Variants in CDKN2B-AS1 observed in about 807,000 individuals in gnomAD.
The protein encoded by CDKN2B-AS1 is CDKN2B and CDKN2A antisense cis and trans regulatory RNA 1.
At chr9:22,101,877 T>C (rs534874697) in intron 4 of CDKN2B-AS1, among the ~76,000 whole-genome samples, 17 of 152,314 alleles carry the variant, frequency 1.1e-4, no homozygotes, top group Admixed American at 1.1e-3. Flanking sequence ...GCTAGCAGAC[T>C]GGGTTTTGAA....
At chr9:22,068,638 G>A (rs1313427883) in intron 4 of CDKN2B-AS1, among the ~76,000 whole-genome samples, 4 of 152,148 alleles carry the variant, frequency 2.6e-5, no homozygotes, top group African/African-American at 9.7e-5. Context: ...GTCTTTAAGT[G>A]GCTTTGCAAT....
chr9:22,083,034 A>G (rs1824751281), intron 4 of CDKN2B-AS1, among the ~76,000 whole-genome samples: 1 of 152,238 alleles, frequency 6.6e-6, no homozygotes. Context: ...CATGAATTAC[A>G]TGATTAGATT....
chr9:22,095,283 T>C (rs1825234789), intron 4 of CDKN2B-AS1, among the ~76,000 whole-genome samples: 1 of 144,884 alleles, frequency 6.9e-6, no homozygotes, highest in South Asian at 2.1e-4. Context: ...GGAGGCAGTC[T>C]GTCCATTCTC....
chr9:22,040,868 GA>G (rs1252420518), intron 1 of CDKN2B-AS1, among the ~76,000 whole-genome samples: 1 of 152,000 alleles, frequency 6.6e-6, no homozygotes, highest in Non-Finnish European at 1.5e-5. Flanking sequence ...TATAAATGTG[GA>G]AACTGAAATA....
intron 1 of CDKN2B-AS1, chr9:22,003,204 G>T (rs1820997992): frequency 4.6e-6 from 1 of 216,250 alleles, no homozygotes. Flanking sequence ...TTTTTACATG[G>T]CATTGATAAG....
chr9:22,027,175 A>C (rs1822272354), intron 1 of CDKN2B-AS1, among the ~76,000 whole-genome samples: 1 of 105,122 alleles, frequency 9.5e-6, no homozygotes, highest in Admixed American at 9.6e-5. Flanking sequence ...AAACCTTTCT[A>C]GCAAAAAAAA....
chr9:22,083,879 G>T (rs1198974542), intron 4 of CDKN2B-AS1, among the ~76,000 whole-genome samples: 1 of 152,160 alleles, frequency 6.6e-6, no homozygotes, highest in African/African-American at 2.4e-5. Flanking sequence ...GAGGACACTG[G>T]TGTTTGGGTG....
At chr9:22,017,444 C>T (rs1304753006) in intron 1 of CDKN2B-AS1, among the ~76,000 whole-genome samples, 1 of 152,206 alleles carries the variant, frequency 6.6e-6, no homozygotes, top group Non-Finnish European at 1.5e-5. Context: ...TCTATATGTG[C>T]TAGGCAAGTT....
intron 3 of CDKN2B-AS1, among the ~76,000 whole-genome samples, chr9:22,055,585 A>C (rs1823526562): frequency 6.6e-6 from 1 of 152,158 alleles, no homozygotes; most frequent in Admixed American, 6.5e-5. Flanking sequence ...CTTTTTAAAA[A>C]ATATAACTTT....
At chr9:22,070,143 G>C (rs999833397) in intron 4 of CDKN2B-AS1, among the ~76,000 whole-genome samples, 4 of 152,136 alleles carry the variant, frequency 2.6e-5, no homozygotes, top group Non-Finnish European at 4.4e-5. Flanking sequence ...TTATTGCCAA[G>C]TGGTTGGAGT....
chr9:22,126,189 A>G (rs1036243482), intron 4 of CDKN2B-AS1, among the ~76,000 whole-genome samples: 1 of 152,206 alleles, frequency 6.6e-6, no homozygotes, highest in African/African-American at 2.4e-5. Context: ...AGGCGGAAGA[A>G]AAGCCACCTA....
intron 2 of CDKN2B-AS1, among the ~76,000 whole-genome samples, chr9:22,048,341 A>C (rs1823194886): frequency 6.6e-6 from 1 of 152,080 alleles, no homozygotes; most frequent in South Asian, 2.1e-4. Context: ...AAAGCTCCTC[A>C]TGATGCTGGC....
intron 1 of CDKN2B-AS1, among the ~76,000 whole-genome samples, chr9:22,012,916 T>G (rs150976178): frequency 1.9e-4 from 29 of 152,338 alleles, no homozygotes; most frequent in African/African-American, 6.7e-4. Flanking sequence ...AATGGTGGAC[T>G]TGTTCATCAT....
intron 4 of CDKN2B-AS1, among the ~76,000 whole-genome samples, chr9:22,125,321 C>G (rs1817998973): frequency 6.6e-6 from 1 of 152,194 alleles, no homozygotes; most frequent in Admixed American, 6.5e-5. Flanking sequence ...TAAAGAATGA[C>G]CTTCATGCTA....
At chr9:22,113,395 A>C (rs1344676428) in intron 4 of CDKN2B-AS1, among the ~76,000 whole-genome samples, 1 of 152,224 alleles carries the variant, frequency 6.6e-6, no homozygotes, top group Non-Finnish European at 1.5e-5. Context: ...TGCCACCAGC[A>C]GAAGAGGCTT....
chr9:22,084,968 A>C (rs183325840), intron 4 of CDKN2B-AS1, among the ~76,000 whole-genome samples: 1 of 152,318 alleles, frequency 6.6e-6, no homozygotes, highest in Admixed American at 6.5e-5. Flanking sequence ...GATAACACGA[A>C]CACCCAGACG....
At chr9:22,109,949 T>C (rs1172247750) in intron 4 of CDKN2B-AS1, among the ~76,000 whole-genome samples, 4 of 152,136 alleles carry the variant, frequency 2.6e-5, no homozygotes, top group Admixed American at 2.6e-4. Flanking sequence ...TTTCTGCAGC[T>C]TCCATCCTAA....
At chr9:22,047,165 T>G (rs1409180373) in intron 2 of CDKN2B-AS1, among the ~76,000 whole-genome samples, 1 of 152,178 alleles carries the variant, frequency 6.6e-6, no homozygotes, top group Non-Finnish European at 1.5e-5. Flanking sequence ...TGCTCTGCTC[T>G]TCTCACCTCC....
chr9:22,066,831 A>T (rs1824063628), intron 4 of CDKN2B-AS1, among the ~76,000 whole-genome samples: 1 of 152,082 alleles, frequency 6.6e-6, no homozygotes, highest in Admixed American at 6.5e-5. Context: ...TCCATCAATG[A>T]TAGACTGGAT....
Sources: gnomAD v4.1 joint callset for allele counts (sites outside exome capture counted in the v4.1 genomes callset) on GRCh38, gnomAD v4.1.1 for gene constraint, MANE v1.5 for transcripts, NCBI Gene and HGNC (gene_info 2026-07-23, HGNC 2026-07-21) for gene names.